The following CTNNA2 variants were observed in gnomAD, a reference collection of about 807,000 sequenced individuals.
The protein encoded by CTNNA2 is catenin alpha 2.
In CTNNA2, 42 loss-of-function variants were observed where a neutral mutation model predicts 101.0. That is an observed-to-expected ratio of 0.42 (90% CI 0.32 to 0.54). The LOEUF (loss-of-function observed/expected upper bound fraction) is 0.54, where lower values mean the gene tolerates loss of function less well. Among genes scored for constraint, CTNNA2 ranks in the 20% least tolerant of loss-of-function variants. The probability of loss-of-function intolerance (pLI) is 0.14; values close to 1 mark genes in which losing one functional copy is unlikely to be tolerated. For missense variants in CTNNA2, 871 were observed against 1,223.1 expected, an observed-to-expected ratio of 0.71 and a Z score of 4.29; for synonymous variants, 450 against 456.4, an observed-to-expected ratio of 0.99 and a Z score of 0.18.
intron 7 of CTNNA2, among the ~76,000 whole-genome samples, chr2:80,228,302 G>T (rs1284658788): frequency 6.6e-6 from 1 of 152,126 alleles, no homozygotes; most frequent in Non-Finnish European, 1.5e-5. Context: ...TCTGATGAGG[G>T]CTCATTCTCT....
At chr2:79,415,658 T>C (rs918292423) in intron 4 of CTNNA2, among the ~76,000 whole-genome samples, 1 of 152,092 alleles carries the variant, frequency 6.6e-6, no homozygotes, top group Non-Finnish European at 1.5e-5. Context: ...GTGGGCTTCT[T>C]ATTGAAGAAA....
At chr2:80,527,577 T>G (rs1690152276) in intron 9 of CTNNA2, among the ~76,000 whole-genome samples, 1 of 152,154 alleles carries the variant, frequency 6.6e-6, no homozygotes, top group Non-Finnish European at 1.5e-5. Flanking sequence ...TCAGGCCCAT[T>G]GCAGAGCTCT....
chr2:79,842,067 A>C (rs923463986), intron 3 of CTNNA2, among the ~76,000 whole-genome samples: 1 of 152,216 alleles, frequency 6.6e-6, no homozygotes, highest in Non-Finnish European at 1.5e-5. Flanking sequence ...ATTATGGTTC[A>C]TGAAAACATC....
At chr2:80,235,747 A>T (rs1709516624) in intron 7 of CTNNA2, among the ~76,000 whole-genome samples, 1 of 152,088 alleles carries the variant, frequency 6.6e-6, no homozygotes, top group African/African-American at 2.4e-5. Context: ...CACCCCACTT[A>T]CCTTAGGGTC....
intron 7 of CTNNA2, among the ~76,000 whole-genome samples, chr2:80,285,225 G>C (rs894393926): frequency 2.0e-5 from 3 of 152,114 alleles, no homozygotes; most frequent in African/African-American, 7.2e-5. Flanking sequence ...AATGGCAATT[G>C]AGTAGATTGC....
intron 3 of CTNNA2, among the ~76,000 whole-genome samples, chr2:79,332,852 C>A (rs1293696369): frequency 6.6e-6 from 1 of 152,040 alleles, no homozygotes; most frequent in African/African-American, 2.4e-5. Flanking sequence ...GTGTAGCACT[C>A]AAAAGCATTT....
chr2:80,302,393 G>A lies in CTNNA2; in HGVS notation c.1057-90818G>A. On this transcript the variant is annotated intron_variant, in intron 7 of 18. Coordinates refer to ENST00000402739, the MANE Select transcript of CTNNA2 (RefSeq NM_001282597.3). This position sits in a 1 kb window ranked among gnomAD's most constrained non-coding sequence, Gnocchi z 6.4. ...AGACATGGCAGCCATCTGATGCATG[G>A]TCTGTTTCTGCTTTTGCTTCCTGCG... is the stretch of plus-strand genomic sequence containing the variant. The A allele has an allele frequency of 1.2e-6, 2 of 1,614,254 alleles. No individual in the cohort carries two copies. The highest frequency in any genetic ancestry group is 2.2e-5 in the South Asian group (2 of 91,084).
rs560686578 is a variant in CTNNA2, at chr2:79,214,657, T to G, written c.-406+16581T>G. ...AAGGAGTAGAGATGTCCTATGCTTG[T>G]GGGTAAGGTGGGGGGATACGAGAGG... On this transcript the variant is annotated intron_variant, in intron 2 of 21. Coordinates refer to the CTNNA2 transcript ENST00000466387. Among the ~76,000 whole-genome samples the G allele has an allele frequency of 4.4e-4, 67 of 151,668 alleles. No homozygotes were observed. In the East Asian group the frequency reaches 0.013, roughly 29 times the overall value.
chr2:79,414,267 A>G (rs1678452146), intron 4 of CTNNA2, among the ~76,000 whole-genome samples: 1 of 152,010 alleles, frequency 6.6e-6, no homozygotes, highest in Admixed American at 6.6e-5. Context: ...TTTACGACTA[A>G]TAAATTCTAC....
chr2:80,143,408 C>A (rs140809330), intron 7 of CTNNA2, among the ~76,000 whole-genome samples: 74 of 152,220 alleles, frequency 4.9e-4, no homozygotes, highest in Middle Eastern at 3.4e-3. Context: ...GTATCTGTCA[C>A]CTCAAATATT....
intron 9 of CTNNA2, among the ~76,000 whole-genome samples, chr2:80,469,676 T>C (rs753205918): frequency 1.3e-5 from 2 of 152,180 alleles, no homozygotes; most frequent in Admixed American, 6.5e-5. Context: ...GTTTAGTATG[T>C]CTGTCTGTTG....
chr2:80,575,321 T>A (rs1351354186), intron 13 of CTNNA2: 2 of 152,302 alleles, frequency 1.3e-5, no homozygotes, highest in East Asian at 1.9e-4. Flanking sequence ...ATTATAATTT[T>A]AAAAATTTAT....
At chr2:79,490,164 A>G (rs533922838) in intron 4 of CTNNA2, among the ~76,000 whole-genome samples, 2 of 152,356 alleles carry the variant, frequency 1.3e-5, no homozygotes, top group East Asian at 3.9e-4. Flanking sequence ...CAAGCTGACC[A>G]TACATAGTAT....
chr2:79,959,083 G>T (rs936435128), intron 7 of CTNNA2, among the ~76,000 whole-genome samples: 5 of 151,834 alleles, frequency 3.3e-5, no homozygotes, highest in Non-Finnish European at 5.9e-5. Flanking sequence ...TGGAGGCAGG[G>T]TCTCAGTCTG....
At chr2:79,811,526 T>A (rs116526822) in intron 3 of CTNNA2, among the ~76,000 whole-genome samples, 2,153 of 152,296 alleles carry the variant, frequency 0.014, 57 homozygotes, top group African/African-American at 0.049. Context: ...TTTCTAAAAG[T>A]CAATTGATCA....
At chr2:79,512,187 C>G (rs1671563366), upstream of CTNNA2, among the ~76,000 whole-genome samples, 1 of 152,096 alleles carries the variant, frequency 6.6e-6, no homozygotes, top group Non-Finnish European at 1.5e-5. Context: ...TATGTAAGTT[C>G]CCCAACTACA....
chr2:79,545,944 A>T (rs535443134), intron 1 of CTNNA2, among the ~76,000 whole-genome samples: 1 of 152,288 alleles, frequency 6.6e-6, no homozygotes, highest in East Asian at 1.9e-4. Context: ...CATATGAAGT[A>T]AGTACTACTA....
intron 13 of CTNNA2, among the ~76,000 whole-genome samples, chr2:80,581,014 T>C (rs1369798504): frequency 9.9e-6 from 1 of 100,978 alleles, no homozygotes; most frequent in Admixed American, 1.0e-4. Flanking sequence ...AGACCCTGTC[T>C]CAAAACAACA....
At chr2:80,609,958 A>T (rs1558641644) in intron 17 of CTNNA2, among the ~76,000 whole-genome samples, 1 of 151,608 alleles carries the variant, frequency 6.6e-6, no homozygotes, top group Non-Finnish European at 1.5e-5. Context: ...TATCACTTGC[A>T]CTGTTGGCTT....
Sources: allele counts gnomAD v4.1 joint callset (sites outside exome capture counted in the v4.1 genomes callset), GRCh38; gene constraint gnomAD v4.1.1; non-coding constraint Gnocchi (gnomAD v3.1); transcripts MANE v1.5; gene names NCBI Gene and HGNC (gene_info 2026-07-23, HGNC 2026-07-21).